Variants in ZKSCAN1 observed in about 807,000 individuals in gnomAD.
ZKSCAN1 encodes the protein zinc finger with KRAB and SCAN domains 1, also known as zinc finger protein with KRAB and SCAN domains 1.
A neutral mutation model predicts 51.6 loss-of-function variants in ZKSCAN1; 14 were observed. The ratio of observed to expected loss-of-function variants is 0.27; its 90% CI spans 0.18 to 0.42. The LOEUF (loss-of-function observed/expected upper bound fraction) is 0.42. Among genes scored for constraint, ZKSCAN1 ranks in the 10% least tolerant of loss-of-function variants. The pLI is 1.00. For synonymous variants in ZKSCAN1, 263 were observed against 261.5 expected, an observed-to-expected ratio of 1.01 and a Z score of -0.06; for missense variants, 531 against 710.0, an observed-to-expected ratio of 0.75 and a Z score of 2.86.
In ZKSCAN1 at chr7:100,033,970, T is replaced by G; in HGVS notation, c.1465T>G (p.Tyr489Asp). ...HQRIHTGEKP[Y>D]ECSECGKAFN... ...GAGAATTCACACGGGGGAGAAACCC[T>G]ATGAATGTAGTGAATGTGGAAAAGC... The change falls in exon 6 of 6, where the codon TAT becomes GAT. Residue 489 changes from tyrosine to aspartate, a missense_variant. By Grantham distance (160) the Tyr-to-Asp change is radical (BLOSUM62 -3). Coordinates refer to ENST00000324306, the MANE Select transcript of ZKSCAN1 (RefSeq NM_003439.4). The surrounding 1 kb of genome is among the most constrained non-coding windows in gnomAD (Gnocchi z 4.1). 6.2e-7 allele frequency: 1 copy of G among 1,614,186 alleles called. No individual in the cohort carries two copies. Among genetic ancestry groups the G allele is most frequent in the Non-Finnish European group, 8.5e-7 (1 of 1,180,024 alleles).
Position 100,023,414 on chromosome 7 carries a change from T to C in ZKSCAN1, c.-88-5T>C. ...CGTACTAATGACTTTTTTTTTATAC[T>C]TCAGGAATAGTAAAGAAACACATCA... On this transcript the variant is annotated splice_polypyrimidine_tract_variant and splice_region_variant and intron_variant, in intron 1 of 5. Transcript: ENST00000324306. 1 of 1,411,464 alleles carries C rather than the reference T, an allele frequency of 7.1e-7. No homozygotes were observed. Among genetic ancestry groups the C allele is most frequent in the Non-Finnish European group, 9.6e-7 (1 of 1,043,538 alleles). The allele number at this position is 1,411,464 out of a possible 1,614,324, so 87.4% of individuals were successfully genotyped here. A position where few individuals can be genotyped will look rare whatever the true frequency, so the allele number is the denominator to read the frequency against.
Position 100,041,136 on chromosome 7 carries a change from T to C in ZKSCAN1, c.*6939T>C. 1 of 789,656 alleles carries C rather than the reference T, an allele frequency of 1.3e-6. No homozygotes were observed. Among genetic ancestry groups the C allele is most frequent in the African/African-American group, 1.9e-5 (1 of 53,364 alleles). 48.9% of individuals were successfully genotyped at this position (789,656 alleles called of 1,614,324 possible). ...GGCATTGTCTTGTTTATTTGTAGAC[T>C]GGATTAAAAACAACCTGTCCTGTTT... On this transcript the variant is annotated 3_prime_UTR_variant, in exon 6 of 6. Transcript: ENST00000324306.
chr7:100,023,070 G>A (rs1790656410), intron 1 of ZKSCAN1, among the ~76,000 whole-genome samples: 1 of 152,030 alleles, frequency 6.6e-6, no homozygotes, highest in Non-Finnish European at 1.5e-5. Context: ...AAGTGCAGTG[G>A]CGTAATCTCG....
Position 100,034,439 on chromosome 7 carries a change from C to T in ZKSCAN1, c.*242C>T. ...ACGGATAATCCACGTGAGATTTCCACACAAGAGAAAAGCACACGCATAGTG... is the reference window on the plus strand; with the variant it reads ...ACGGATAATCCACGTGAGATTTCCATACAAGAGAAAAGCACACGCATAGTG... On this transcript the variant is annotated 3_prime_UTR_variant, in exon 6 of 6. Coordinates refer to ENST00000324306, the MANE Select transcript of ZKSCAN1 (RefSeq NM_003439.4). 2.4e-6 allele frequency: 3 copies of T among 1,245,360 alleles called. No homozygotes were observed. Among genetic ancestry groups the T allele is most frequent in the Non-Finnish European group, 3.0e-6 (3 of 994,912 alleles). 77.1% of individuals were successfully genotyped at this position (1,245,360 alleles called of 1,614,324 possible). A position where few individuals can be genotyped will look rare whatever the true frequency, so the allele number is the denominator to read the frequency against.
chr7:100,028,217 G>T lies in ZKSCAN1; in HGVS notation c.581-1644G>T, dbSNP rs989573802. On this transcript the variant is annotated intron_variant, in intron 3 of 5. Transcript: ENST00000324306. The stretch of plus-strand genomic sequence containing the variant: ...AAAATACAAAAACTAGCTGAGCGTG[G>T]TGGCAGGCACCTGTAGTCCCAGCTA... Among the ~76,000 whole-genome samples the T allele has an allele frequency of 7.6e-4, 116 of 152,098 alleles. 7 individuals are homozygous for T.
Position 100,034,519 on chromosome 7 carries a change from G to A in ZKSCAN1, c.*322G>A. ...CCTTTAAGGCACTCTTGGACTCTCGGCAACCACAACATAATAGTTGAAAGA... is the reference window on the plus strand; with the variant it reads ...CCTTTAAGGCACTCTTGGACTCTCGACAACCACAACATAATAGTTGAAAGA... On this transcript the variant is annotated 3_prime_UTR_variant, in exon 6 of 6. Coordinates refer to ENST00000324306, the MANE Select transcript of ZKSCAN1 (RefSeq NM_003439.4). 1.9e-6 allele frequency: 2 copies of A among 1,049,256 alleles called. No individual in the cohort carries two copies. The highest frequency in any genetic ancestry group is 2.3e-6 in the Non-Finnish European group (2 of 870,846). The allele number at this position is 1,049,256 out of a possible 1,614,324, so 65.0% of individuals were successfully genotyped here.
rs556996087 is a variant in ZKSCAN1, at chr7:100,034,571, C to T, written c.*374C>T. 2.0e-4 allele frequency: 199 copies of T among 1,001,708 alleles called. No homozygotes were observed. The highest frequency in any genetic ancestry group is 2.8e-4 in the African/African-American group (16 of 57,776). The allele number at this position is 1,001,708 out of a possible 1,614,324, so 62.1% of individuals were successfully genotyped here. A position where few individuals can be genotyped will look rare whatever the true frequency, so the allele number is the denominator to read the frequency against. On this transcript the variant is annotated 3_prime_UTR_variant, in exon 6 of 6. Coordinates refer to ENST00000324306, the MANE Select transcript of ZKSCAN1 (RefSeq NM_003439.4). ...CAAGATTGGCTCCACGAAAGTGATA[C>T]GGAGGTTAGGATGCTACTTGCTGCA...
chr7:100,038,335 C>A lies in ZKSCAN1; in HGVS notation c.*4138C>A. On this transcript the variant is annotated 3_prime_UTR_variant, in exon 6 of 6. Transcript: ENST00000324306. ...GTGAAGAAATCAGTGTGATTGTAGA[C>A]AAAAAGTCGGTTCACAGAACGGAGC... The A allele has an allele frequency of 2.7e-5, 27 of 985,326 alleles. No individual in the cohort carries two copies. The highest frequency in any genetic ancestry group is 3.3e-5 in the Non-Finnish European group (27 of 829,918). 61.0% of individuals were successfully genotyped at this position (985,326 alleles called of 1,614,324 possible). A position where few individuals can be genotyped will look rare whatever the true frequency, so the allele number is the denominator to read the frequency against.
At chr7:100,028,757 C>T (rs1300301239) in intron 3 of ZKSCAN1, among the ~76,000 whole-genome samples, 1 of 132,132 alleles carries the variant, frequency 7.6e-6, no homozygotes, top group Non-Finnish European at 1.6e-5. Context: ...TCAGCCCCAA[C>T]TTTTGTCTCA....
chr7:100,030,677 G>A (rs1015264528), intron 5 of ZKSCAN1, among the ~76,000 whole-genome samples: 7 of 149,888 alleles, frequency 4.7e-5, no homozygotes, highest in African/African-American at 1.2e-4. Context: ...GTTCTGCTCC[G>A]TTCCCATGGA....
rs536591796 is a variant in ZKSCAN1, at chr7:100,024,415, G to A, written c.580+108G>A. 3.8e-5 allele frequency: 52 copies of A among 1,370,506 alleles called. 1 individual carries two copies. The highest frequency in any genetic ancestry group is 3.4e-4 in the East Asian group (14 of 41,230). 84.9% of individuals were successfully genotyped at this position (1,370,506 alleles called of 1,614,324 possible). A position where few individuals can be genotyped will look rare whatever the true frequency, so the allele number is the denominator to read the frequency against. ...GCATGTTAGTCCTGGGCAACGTAGC[G>A]AGACCCCATCTCTACAAAAAATAGA... On this transcript the variant is annotated intron_variant, in intron 3 of 5. Transcript: ENST00000324306.
chr7:100,023,892 C>T lies in ZKSCAN1; in HGVS notation c.386C>T (p.Thr129Ile), dbSNP rs764672233. 6.2e-7 allele frequency: 1 copy of T among 1,607,602 alleles called. No individual in the cohort carries two copies. Among genetic ancestry groups the T allele is most frequent in the Non-Finnish European group, 8.5e-7 (1 of 1,178,582 alleles). Residue 129 changes from threonine (T) to isoleucine (I), a missense_variant, in exon 2 of 6, where the codon ACC becomes ATC. Transcript: ENST00000324306. ...YRPDSGEEAV[T>I]LLEDLELDLS... ...CCCGATAGTGGAGAGGAGGCCGTGA[C>T]CCTTCTAGAAGACTTGGAGCTTGAT...
At chr7:100,029,383 C>T (rs981803380) in intron 3 of ZKSCAN1, among the ~76,000 whole-genome samples, 1 of 152,122 alleles carries the variant, frequency 6.6e-6, no homozygotes, top group East Asian at 1.9e-4. Flanking sequence ...CCTCACCTGC[C>T]ACTAAAGATT....
chr7:100,019,978 C>T (rs2115822923), intron 1 of ZKSCAN1, among the ~76,000 whole-genome samples: 1 of 152,360 alleles, frequency 6.6e-6, no homozygotes, highest in East Asian at 1.9e-4. Flanking sequence ...GCTGGGATGA[C>T]AGGCATGAGC....
Position 100,038,309 on chromosome 7 carries a change from A to G in ZKSCAN1, c.*4112A>G. On this transcript the variant is annotated 3_prime_UTR_variant, in exon 6 of 6. Transcript: ENST00000324306. ...GAAAAAGTGAAGTTTCAGAGCAAAC[A>G]GTGAAGAAATCAGTGTGATTGTAGA... 1 of 985,494 alleles carries G rather than the reference A, an allele frequency of 1.0e-6. No individual in the cohort carries two copies. Among genetic ancestry groups the G allele is most frequent in the Non-Finnish European group, 1.2e-6 (1 of 829,946 alleles). 61.0% of individuals were successfully genotyped at this position (985,494 alleles called of 1,614,324 possible).
At chr7:100,044,563 C>T (rs571300755), downstream of ZKSCAN1, among the ~76,000 whole-genome samples, 5 of 151,960 alleles carry the variant, frequency 3.3e-5, no homozygotes, top group Admixed American at 2.6e-4. Context: ...TGCCTGTAGT[C>T]CCAGCTGCTC....
At chr7:100,020,496 C>G (rs1452066045) in intron 1 of ZKSCAN1, among the ~76,000 whole-genome samples, 2 of 151,906 alleles carry the variant, frequency 1.3e-5, no homozygotes. Flanking sequence ...GGAAGCTGGA[C>G]TTCATGGAAC....
At chr7:100,028,889 A>G (rs1343256134) in intron 3 of ZKSCAN1, among the ~76,000 whole-genome samples, 1 of 151,880 alleles carries the variant, frequency 6.6e-6, no homozygotes, top group Non-Finnish European at 1.5e-5. Flanking sequence ...AGGTGGCCGG[A>G]CACAGTGGCT....
rs559885441 is a variant in ZKSCAN1 at position 100,024,140 on chromosome 7, CT to C, written c.427-13del. 56 of 1,602,682 alleles carry C rather than the reference CT, an allele frequency of 3.5e-5. No homozygotes were observed. The African/African-American group carries it at 7.4e-4, about 21-fold the overall frequency. ...AAAGTGATTTACCCACAAGCCCAAC[CT>C]GTCTGTCTTCAGGTCCCAGGTCAAG... On this transcript the variant is annotated splice_polypyrimidine_tract_variant and intron_variant, in intron 2 of 5. Transcript: ENST00000324306.
Sources: allele counts gnomAD v4.1 joint callset (sites outside exome capture counted in the v4.1 genomes callset), GRCh38; gene constraint gnomAD v4.1.1; non-coding constraint Gnocchi (gnomAD v3.1); transcripts MANE v1.5; gene names NCBI Gene and HGNC (gene_info 2026-07-23, HGNC 2026-07-21).